The following COQ8A variants were observed in gnomAD, a reference collection of about 807,000 sequenced individuals.
COQ8A encodes atypical kinase COQ8A, mitochondrial.
Under a neutral mutation model 65.0 loss-of-function variants are expected in COQ8A, and 51 were observed. That is an observed-to-expected ratio of 0.78 (90% confidence interval 0.63 to 0.99). The LOEUF (loss-of-function observed/expected upper bound fraction) is 0.99. COQ8A is among the 50% of genes least tolerant of loss of function. The probability of loss-of-function intolerance (pLI) is 0.00; values close to 1 mark genes in which losing one functional copy is unlikely to be tolerated. For synonymous variants in COQ8A, 371 were observed against 353.2 expected (o/e 1.05, Z -0.57); for missense variants, 940 against 875.0 (o/e 1.07, Z -0.94).
Position 226,985,027 on chromosome 1 carries a change from T to G in COQ8A, c.1572+86T>G. The G allele has an allele frequency of 2.6e-6, 4 of 1,527,400 alleles. No homozygotes were observed. The Middle Eastern group carries it at 5.1e-4, about 193-fold the overall frequency. The allele number at this position is 1,527,400 out of a possible 1,614,324, so 94.6% of individuals were successfully genotyped here. On this transcript the variant is annotated intron_variant, in intron 13 of 14. Transcript: ENST00000366777. ...GGGGACTCGGGGTAGGGAGAATGAC[T>G]GGGTTCCTGCCCTTGTGTCCCCATC...
chr1:226,943,768 C>T (rs558815629), intron 1 of COQ8A, among the ~76,000 whole-genome samples: 1 of 152,306 alleles, frequency 6.6e-6, no homozygotes, highest in East Asian at 1.9e-4. Context: ...TTGACAAACG[C>T]ACATAGTCAC....
At chr1:226,966,392 A>G (rs1658570802) in intron 4 of COQ8A, among the ~76,000 whole-genome samples, 1 of 152,232 alleles carries the variant, frequency 6.6e-6, no homozygotes, top group Non-Finnish European at 1.5e-5. Flanking sequence ...CTTTGATGGC[A>G]TCATGTTTGT....
rs146892043 is a variant in COQ8A, at chr1:226,981,309, C to G, written c.731-718C>G. Reference sequence around the variant, plus strand: ...CAGCCCTGGGCCACACGCCTGCTGGCAGTTGACTTAGCCGGCCTTCTGCTG... The same window carrying G: ...CAGCCCTGGGCCACACGCCTGCTGGGAGTTGACTTAGCCGGCCTTCTGCTG... On this transcript the variant is annotated intron_variant, in intron 5 of 14. Coordinates refer to ENST00000366777, the MANE Select transcript of COQ8A (RefSeq NM_020247.5). Among the ~76,000 whole-genome samples, 9 of 152,344 alleles carry G rather than the reference C, an allele frequency of 5.9e-5. 1 individual carries two copies. In the East Asian group the frequency reaches 1.7e-3, roughly 29 times the overall value.
chr1:226,977,386 G>A, intron 4 of COQ8A, 63 bp from the exon 5 acceptor site: 1 of 1,498,484 alleles, frequency 6.7e-7, no homozygotes, highest in Non-Finnish European at 9.0e-7. Flanking sequence ...GGCCTTGTGG[G>A]TGGGCGAGCG....
At chr1:226,952,580 A>T (rs1313303882) in intron 1 of COQ8A, among the ~76,000 whole-genome samples, 1 of 151,742 alleles carries the variant, frequency 6.6e-6, no homozygotes, top group Non-Finnish European at 1.5e-5. Flanking sequence ...CGCCTGGCTA[A>T]TTTTTTTGTT....
chr1:226,985,831 C>T (rs968269868), intron 14 of COQ8A, among the ~76,000 whole-genome samples: 1 of 152,188 alleles, frequency 6.6e-6, no homozygotes, highest in East Asian at 1.9e-4. Flanking sequence ...TTGGGTCTGC[C>T]GTCTCATAGG....
chr1:226,984,090 C>T lies in COQ8A; in HGVS notation c.1257-4C>T. 6.2e-7 allele frequency: 1 copy of T among 1,613,364 alleles called. No homozygotes were observed. ...CTAGGGCGTGACCTCCCTCCCCTAC[C>T]CAGGGACCTGCTGAAGGGCCACCCC... On this transcript the variant is annotated splice_region_variant and splice_polypyrimidine_tract_variant and intron_variant, in intron 10 of 14. Coordinates refer to ENST00000366777, the MANE Select transcript of COQ8A (RefSeq NM_020247.5).
chr1:226,983,229 T>C, intron 8 of COQ8A, 195 bp downstream of exon 8: 1 of 939,216 alleles, frequency 1.1e-6, no homozygotes, highest in East Asian at 2.6e-5. Flanking sequence ...ATGAGTGACT[T>C]TGGGGGCACA....
intron 1 of COQ8A, among the ~76,000 whole-genome samples, chr1:226,945,951 G>A (rs1657015288): frequency 6.6e-6 from 1 of 152,158 alleles, no homozygotes. Context: ...TGCCATTTCT[G>A]TGGCTGTGCA....
At chr1:226,968,752 G>A (rs533226463) in intron 4 of COQ8A, among the ~76,000 whole-genome samples, 1 of 152,286 alleles carries the variant, frequency 6.6e-6, no homozygotes, top group East Asian at 1.9e-4. Context: ...GGAAGTCAAG[G>A]ACTTTCCAAT....
At chr1:226,952,379 A>G (rs554818233) in intron 1 of COQ8A, among the ~76,000 whole-genome samples, 12 of 152,244 alleles carry the variant, frequency 7.9e-5, no homozygotes, top group African/African-American at 2.6e-4. Flanking sequence ...AAATTTTAAT[A>G]AAAGATATTT....
chr1:226,957,580 C>T (rs2148036180), intron 1 of COQ8A, among the ~76,000 whole-genome samples: 1 of 152,080 alleles, frequency 6.6e-6, no homozygotes, highest in East Asian at 1.9e-4. Context: ...TGAGTTTTGG[C>T]TGTGAAGGGG....
rs1355490211 is a variant in COQ8A at position 226,949,245 on chromosome 1, G to T, written c.-10+8846G>T. ...CCTGATTTCGATGCCTGGGACTTCA[G>T]GCGCAGGAGTTTGGGTTTTATATAT... On this transcript the variant is annotated intron_variant, in intron 1 of 14. Coordinates refer to ENST00000366777, the MANE Select transcript of COQ8A (RefSeq NM_020247.5). The surrounding 1 kb of genome is among the most constrained non-coding windows in gnomAD (Gnocchi z 4.0). Among the ~76,000 whole-genome samples the T allele has an allele frequency of 6.6e-6, 1 of 152,008 alleles. No homozygotes were observed. The highest frequency in any genetic ancestry group is 2.4e-5 in the African/African-American group (1 of 41,380).
chr1:226,951,413 G>A (rs1187718625), intron 1 of COQ8A, among the ~76,000 whole-genome samples: 1 of 152,126 alleles, frequency 6.6e-6, no homozygotes, highest in African/African-American at 2.4e-5. Context: ...ACCCCTCCCA[G>A]CCCCCCAGGC....
chr1:226,963,472 G>A (rs370430066), intron 2 of COQ8A, among the ~76,000 whole-genome samples: 3 of 152,188 alleles, frequency 2.0e-5, no homozygotes, highest in African/African-American at 7.2e-5. Context: ...CAGTGACACC[G>A]ACAGGTGTTA....
chr1:226,960,325 GGT>G (rs1658108372), intron 1 of COQ8A, among the ~76,000 whole-genome samples: 7 of 126,542 alleles, frequency 5.5e-5, no homozygotes, highest in Middle Eastern at 4.0e-3. Context: ...ACTTGGTGGT[GGT>G]ATCAGTGGTA....
At chr1:226,984,067 A>G (rs1659906063) in intron 10 of COQ8A, 27 bp from the exon 11 acceptor site, 4 of 1,612,124 alleles carry the variant, frequency 2.5e-6, no homozygotes, top group African/African-American at 1.3e-5. Context: ...GCCTGTGGCT[A>G]GGGCGTGACC....
chr1:226,948,609 A>T (rs1410173055), intron 1 of COQ8A, among the ~76,000 whole-genome samples: 1 of 151,398 alleles, frequency 6.6e-6, no homozygotes, highest in African/African-American at 2.5e-5. Flanking sequence ...AGGATCCTTA[A>T]TTACCTTCCT....
intron 1 of COQ8A, among the ~76,000 whole-genome samples, chr1:226,945,112 CTT>C (rs1656952205): frequency 6.6e-6 from 1 of 152,210 alleles, no homozygotes; most frequent in Admixed American, 6.5e-5. Context: ...TCCTTGCTGA[CTT>C]TCTGCACTCC....
Sources: allele counts gnomAD v4.1 joint callset (sites outside exome capture counted in the v4.1 genomes callset), GRCh38; gene constraint gnomAD v4.1.1; non-coding constraint Gnocchi (gnomAD v3.1); transcripts MANE v1.5; gene names NCBI Gene and HGNC (gene_info 2026-07-23, HGNC 2026-07-21).